Variants in DLG4 observed in about 807,000 individuals in gnomAD.
DLG4 encodes the protein discs large MAGUK scaffold protein 4.
A neutral mutation model predicts 93.8 loss-of-function variants in DLG4; 7 were observed. That is an observed-to-expected ratio of 0.07 (90% CI 0.04 to 0.14). The LOEUF (loss-of-function observed/expected upper bound fraction) is 0.14, where lower values mean the gene tolerates loss of function less well. Ranked by LOEUF, DLG4 falls within the 10% of genes least tolerant of loss-of-function variation. The pLI is 1.00. For missense variants in DLG4, 545 were observed against 992.9 expected (o/e 0.55, Z 6.06); for synonymous variants, 341 against 387.6 (o/e 0.88, Z 1.41).
At chr17:7,214,856 T>C (rs1402293271) in intron 1 of DLG4, among the ~76,000 whole-genome samples, 1 of 152,194 alleles carries the variant, frequency 6.6e-6, no homozygotes, top group Non-Finnish European at 1.5e-5. Context: ...GAGTGGAGTT[T>C]GCACACAACA....
intron 1 of DLG4, among the ~76,000 whole-genome samples, chr17:7,215,836 TC>T (rs2070887258): frequency 8.3e-6 from 1 of 120,118 alleles, no homozygotes; most frequent in African/African-American, 3.3e-5. Flanking sequence ...TATAACCCCC[TC>T]CCCAGCCTGT....
At chr17:7,212,484 A>G (rs2070748047) in intron 1 of DLG4, among the ~76,000 whole-genome samples, 1 of 152,182 alleles carries the variant, frequency 6.6e-6, no homozygotes, top group African/African-American at 2.4e-5. Context: ...AAGTCCTCTA[A>G]TTTGTTGGGG....
chr17:7,213,804 A>G (rs2070799237), intron 1 of DLG4: 1 of 471,054 alleles, frequency 2.1e-6, no homozygotes, highest in Admixed American at 2.3e-5. Flanking sequence ...ATCTCACCCA[A>G]GCGAGATTGA....
In DLG4 at chr17:7,190,796, C is replaced by T; in HGVS notation, c.2087G>A (p.Ser696Asn). 6.2e-7 allele frequency: 1 copy of T among 1,613,374 alleles called. No individual in the cohort carries two copies. Among genetic ancestry groups the T allele is most frequent in the Admixed American group, 1.7e-5 (1 of 59,984 alleles). Reference sequence around the variant, plus strand: ...CACCTTGTGGTAGATCTCCTCAAAGCTGTCACCCTCCACGATGGCTGGGAG... The same window carrying T: ...CACCTTGTGGTAGATCTCCTCAAAGTTGTCACCCTCCACGATGGCTGGGAG... ...ECFSAIVEGD[S>N]FEEIYHKVKR... Residue 696 changes from serine (S) to asparagine (N), a missense_variant, in exon 20 of 20, where the codon AGC becomes AAC. By Grantham distance (46) the Ser-to-Asn change is conservative. Coordinates refer to ENST00000399506, the MANE Select transcript of DLG4 (RefSeq NM_001321075.3).
At position 7,208,346 on chromosome 17, in the gene DLG4, C is replaced by T; in HGVS notation, c.31-107G>A. The T allele has an allele frequency of 1.9e-6, 2 of 1,032,522 alleles. No individual in the cohort carries two copies. Among genetic ancestry groups the T allele is most frequent in the Non-Finnish European group, 2.6e-6 (2 of 779,438 alleles). 64.0% of individuals were successfully genotyped at this position (1,032,522 alleles called of 1,614,324 possible). ...CCCCAGCCAGTGCAGTGCGGAAGGC[C>T]CTGGGGCCTGACCAGCTCCTCCCCC... On this transcript the variant is annotated intron_variant, in intron 1 of 19. Transcript: ENST00000399506. This position sits in a 1 kb window ranked among gnomAD's most constrained non-coding sequence, Gnocchi z 5.4.
chr17:7,205,713 C>T (rs2070429252), intron 2 of DLG4, among the ~76,000 whole-genome samples: 1 of 131,468 alleles, frequency 7.6e-6, no homozygotes, highest in Non-Finnish European at 1.7e-5. Context: ...TCCCACAGCC[C>T]GTCCCCCATC....
rs1429447005 is a variant in DLG4 at position 7,196,384 on chromosome 17, C to A, written c.1187-50G>T. 1.2e-6 allele frequency: 2 copies of A among 1,607,860 alleles called. No individual in the cohort carries two copies. The highest frequency in any genetic ancestry group is 1.7e-6 in the Non-Finnish European group (2 of 1,174,426). ...GAGCTCTGTCCCCATCCTACTGTCA[C>A]CCCTGTCCTCCCCTACTGAAGCCAT... On this transcript the variant is annotated intron_variant, in intron 10 of 19. Transcript: ENST00000399506. This position sits in a 1 kb window ranked among gnomAD's most constrained non-coding sequence, Gnocchi z 8.3.
chr17:7,207,960 C>T (rs1315846620), intron 2 of DLG4: 2 of 949,434 alleles, frequency 2.1e-6, no homozygotes, highest in Non-Finnish European at 2.7e-6. Context: ...CCCCCGCCCC[C>T]AGTCCCAGCA....
upstream of DLG4, chr17:7,218,965 C>A: frequency 8.9e-7 from 1 of 1,120,444 alleles, no homozygotes; most frequent in Non-Finnish European, 1.3e-6. Flanking sequence ...ACCAGCTGTC[C>A]CATTCCCCCA....
At chr17:7,212,267 C>T (rs747473108) in intron 1 of DLG4, among the ~76,000 whole-genome samples, 2 of 152,140 alleles carry the variant, frequency 1.3e-5, no homozygotes, top group Non-Finnish European at 2.9e-5. Context: ...CTCTAACCAG[C>T]ATAGTTCTCC....
In DLG4 at chr17:7,192,816, G is replaced by A. The variant is rs2069574280; in HGVS notation, c.1866+129C>T. 6 of 1,014,414 alleles carry A rather than the reference G, an allele frequency of 5.9e-6. No homozygotes were observed. The Admixed American group carries it at 1.0e-4, about 18-fold the overall frequency. 62.8% of individuals were successfully genotyped at this position (1,014,414 alleles called of 1,614,324 possible). The stretch of plus-strand genomic sequence containing the variant: ...ACAGAGTTGCCCAAGAGGAGAAGGA[G>A]GTGGAGGAGCGGAGTGGAGACCCAG... On this transcript the variant is annotated intron_variant, in intron 17 of 19. Coordinates refer to ENST00000399506, the MANE Select transcript of DLG4 (RefSeq NM_001321075.3).
chr17:7,216,524 T>G (rs574963705), intron 1 of DLG4, among the ~76,000 whole-genome samples: 1 of 152,126 alleles, frequency 6.6e-6, no homozygotes, highest in African/African-American at 2.4e-5. Flanking sequence ...CTACCTCCAT[T>G]CTATATGACT....
rs1294156612 is a variant in DLG4 at position 7,194,017 on chromosome 17, G to C, written c.1479-17C>G. On this transcript the variant is annotated splice_polypyrimidine_tract_variant and intron_variant, in intron 12 of 19. Transcript: ENST00000399506. This position sits in a 1 kb window ranked among gnomAD's most constrained non-coding sequence, Gnocchi z 4.4. Reference sequence around the variant, plus strand: ...CGCTCAACCCTGTGGGATACATGGAGGGATACGCGGGTAGGGGAATGCCTA... The same window carrying C: ...CGCTCAACCCTGTGGGATACATGGACGGATACGCGGGTAGGGGAATGCCTA... The C allele has an allele frequency of 6.2e-7, 1 of 1,612,858 alleles. No individual in the cohort carries two copies. Among genetic ancestry groups the C allele is most frequent in the Admixed American group, 1.7e-5 (1 of 59,882 alleles).
At chr17:7,206,751 C>G (rs2070483017) in intron 2 of DLG4, among the ~76,000 whole-genome samples, 1 of 152,112 alleles carries the variant, frequency 6.6e-6, no homozygotes, top group South Asian at 2.1e-4. Context: ...CCCTTCCTAT[C>G]CCCCAACTCC....
rs375420373 is a variant in DLG4 at position 7,191,873 on chromosome 17, G to A, written c.1976+20C>T. 783 of 1,423,322 alleles carry A rather than the reference G, an allele frequency of 5.5e-4. No homozygotes were observed. The highest frequency in any genetic ancestry group is 2.5e-3 in the Middle Eastern group (13 of 5,270). The allele number at this position is 1,423,322 out of a possible 1,614,324, so 88.2% of individuals were successfully genotyped here. A position where few individuals can be genotyped will look rare whatever the true frequency, so the allele number is the denominator to read the frequency against. On this transcript the variant is annotated intron_variant, in intron 18 of 19. Coordinates refer to ENST00000399506, the MANE Select transcript of DLG4 (RefSeq NM_001321075.3). This position sits in a 1 kb window ranked among gnomAD's most constrained non-coding sequence, Gnocchi z 6.6. Reference sequence around the variant, plus strand: ...CAGGTGTTGGGGGAGCAAAGGGGAGGCCCCCAGGACCATACTCACAGCACA... The same window carrying A: ...CAGGTGTTGGGGGAGCAAAGGGGAGACCCCCAGGACCATACTCACAGCACA...
chr17:7,219,874 GC>G (rs773362488), upstream of DLG4: 1 of 1,540,196 alleles, frequency 6.5e-7, no homozygotes, highest in Middle Eastern at 1.7e-4. Flanking sequence ...ACCGTCCGCC[GC>G]CCGGTGCACT....
intron 1 of DLG4, among the ~76,000 whole-genome samples, chr17:7,216,888 A>G (rs1007654609): frequency 6.6e-6 from 1 of 151,648 alleles, no homozygotes. Context: ...ACCATGGAAT[A>G]TCCTAAATTT....
intron 2 of DLG4, 182 bp from the exon 3 acceptor site, chr17:7,204,434 T>C: frequency 6.5e-6 from 4 of 615,098 alleles, no homozygotes; most frequent in East Asian, 5.6e-5. Context: ...CGCGTGCACA[T>C]GCGCACGCGC....
chr17:7,191,812 G>A lies in DLG4; in HGVS notation c.1976+81C>T. ...ACCGCTGTCCAGGGTTCTGAAGGGA[G>A]AGTTGAACGCAGACGCCTTGTGAGG... On this transcript the variant is annotated intron_variant, in intron 18 of 19. Coordinates refer to ENST00000399506, the MANE Select transcript of DLG4 (RefSeq NM_001321075.3). This position sits in a 1 kb window ranked among gnomAD's most constrained non-coding sequence, Gnocchi z 6.6. 1.0e-6 allele frequency: 1 copy of A among 995,308 alleles called. No individual in the cohort carries two copies. Among genetic ancestry groups the A allele is most frequent in the Non-Finnish European group, 1.4e-6 (1 of 690,880 alleles). The allele number at this position is 995,308 out of a possible 1,614,324, so 61.7% of individuals were successfully genotyped here. A position where few individuals can be genotyped will look rare whatever the true frequency, so the allele number is the denominator to read the frequency against.
Sources: allele counts gnomAD v4.1 joint callset (sites outside exome capture counted in the v4.1 genomes callset), GRCh38; gene constraint gnomAD v4.1.1; non-coding constraint Gnocchi (gnomAD v3.1); transcripts MANE v1.5; gene names NCBI Gene and HGNC (gene_info 2026-07-23, HGNC 2026-07-21).